PKD1L1: variants seen among roughly 807,000 people sequenced by gnomAD.
PKD1L1 encodes the protein polycystin-1-like protein 1.
Under a neutral mutation model 323.4 loss-of-function variants are expected in PKD1L1, and 236 were observed. That is an observed-to-expected ratio of 0.73 (90% CI 0.66 to 0.81). PKD1L1 has a LOEUF of 0.81. Ranked by LOEUF, PKD1L1 falls within the 40% of genes least tolerant of loss-of-function variation. The pLI, the probability that PKD1L1 is intolerant of heterozygous loss-of-function variation, is 0.00. For missense variants in PKD1L1, 3,320 were observed against 3,508.0 expected, an observed-to-expected ratio of 0.95 and a Z score of 1.35; for synonymous variants, 1,344 against 1,335.0, an observed-to-expected ratio of 1.01 and a Z score of -0.15.
At chr7:47,889,155 A>G (rs1314358529) in intron 16 of PKD1L1, among the ~76,000 whole-genome samples, 4 of 152,100 alleles carry the variant, frequency 2.6e-5, no homozygotes, top group African/African-American at 9.7e-5. Context: ...GTGCAGACGG[A>G]CATGGGCAAA....
chr7:47,905,922 A>G lies in PKD1L1; in HGVS notation c.1443T>C (p.Tyr481=). The G allele has an allele frequency of 6.2e-7, 1 of 1,613,176 alleles. No homozygotes were observed. The highest frequency in any genetic ancestry group is 8.5e-7 in the Non-Finnish European group (1 of 1,179,584). ...VIHHFPSIPS[Y]NVSFISQTQV... Reference sequence around the variant, plus strand: ...GAGTCTGAGAAATAAAGGACACGTTATATGAAGGAATAGATGGAAAGTGAT... The same window carrying G: ...GAGTCTGAGAAATAAAGGACACGTTGTATGAAGGAATAGATGGAAAGTGAT... The change falls in exon 10 of 57, where the codon TAT becomes TAC. Residue 481 remains tyrosine (Y), a synonymous_variant. Transcript: ENST00000289672.
chr7:47,865,686 T>C (rs958851883), intron 25 of PKD1L1, among the ~76,000 whole-genome samples: 13 of 151,754 alleles, frequency 8.6e-5, no homozygotes, highest in African/African-American at 1.9e-4. Context: ...CCCGGGTTCA[T>C]GCCATTCTAC....
At chr7:47,856,518 C>CTTTTCTCA (rs981183009) in intron 28 of PKD1L1, among the ~76,000 whole-genome samples, 1 of 152,120 alleles carries the variant, frequency 6.6e-6, no homozygotes, top group African/African-American at 2.4e-5. Context: ...CTGAACAAAT[C>CTTTTCTCA]TTTTCTCATT....
At chr7:47,932,644 G>A (rs1228406928) in intron 4 of PKD1L1, among the ~76,000 whole-genome samples, 1 of 152,026 alleles carries the variant, frequency 6.6e-6, no homozygotes, top group African/African-American at 2.4e-5. Context: ...GAGCCCCAGC[G>A]AGCCCTGCAG....
At chr7:47,954,159 A>T in the PKD1L1 span, among the ~76,000 whole-genome samples, 1 of 152,198 alleles carries the variant, frequency 6.6e-6, no homozygotes, top group Non-Finnish European at 1.5e-5. Flanking sequence ...AGACACGCCA[A>T]CCAAACCTCT....
At chr7:47,956,691 AACAG>A in the PKD1L1 span, 6 of 152,360 alleles carry the variant, frequency 3.9e-5, no homozygotes, top group South Asian at 2.1e-4. Flanking sequence ...GATGTCACCA[AACAG>A]ACAAAGTGCC....
intron 54 of PKD1L1, among the ~76,000 whole-genome samples, chr7:47,797,345 A>T (rs1784565862): frequency 6.6e-6 from 1 of 152,202 alleles, no homozygotes; most frequent in Non-Finnish European, 1.5e-5. Context: ...TCAAAACATT[A>T]CCCAGATAAA....
chr7:47,937,083 TGG>T (rs1419429723), intron 3 of PKD1L1, 125 bp from the exon 4 acceptor site: 4 of 711,830 alleles, frequency 5.6e-6, no homozygotes. Context: ...AGCACTGTGC[TGG>T]GCACCAGAGA....
chr7:47,794,681 G>A (rs1300387030), intron 55 of PKD1L1, among the ~76,000 whole-genome samples: 1 of 152,150 alleles, frequency 6.6e-6, no homozygotes, highest in African/African-American at 2.4e-5. Flanking sequence ...CTTGCACTGT[G>A]CACCTGGAAA....
chr7:47,943,163 AATATATATATATATATATATAT>A (rs60168291), intron 2 of PKD1L1, among the ~76,000 whole-genome samples: 8 of 34,144 alleles, frequency 2.3e-4, no homozygotes, highest in Non-Finnish European at 2.9e-4. Flanking sequence ...AAAAAAAAAA[AATATATATATATATATATATAT>A]ATATATATAT....
At chr7:47,802,873 G>A (rs1439439501) in intron 53 of PKD1L1, among the ~76,000 whole-genome samples, 1 of 152,208 alleles carries the variant, frequency 6.6e-6, no homozygotes, top group African/African-American at 2.4e-5. Context: ...ATAGTTAAAC[G>A]AAGTAATCTA....
intron 8 of PKD1L1, among the ~76,000 whole-genome samples, chr7:47,908,865 C>A (rs1787262232): frequency 6.6e-6 from 1 of 152,160 alleles, no homozygotes; most frequent in Non-Finnish European, 1.5e-5. Context: ...TGTCTTGGGA[C>A]CTCTGTCATT....
At chr7:47,926,990 A>G (rs1021554404) in intron 7 of PKD1L1, among the ~76,000 whole-genome samples, 1 of 152,244 alleles carries the variant, frequency 6.6e-6, no homozygotes, top group Non-Finnish European at 1.5e-5. Flanking sequence ...AAACAGTCAA[A>G]TGGAATCTAT....
At chr7:47,809,425 AAC>A in intron 51 of PKD1L1, 46 bp downstream of exon 51, 1 of 1,342,804 alleles carries the variant, frequency 7.4e-7, no homozygotes, top group Non-Finnish European at 1.0e-6. Context: ...TCAAGATATA[AAC>A]AGTTTATTGT....
intron 1 of PKD1L1, among the ~76,000 whole-genome samples, chr7:47,947,696 G>C (rs1231570988): frequency 1.3e-5 from 2 of 152,224 alleles, no homozygotes; most frequent in South Asian, 2.1e-4. Flanking sequence ...GGCTGGGTGC[G>C]GTGGCTTATG....
At chr7:47,908,603 G>T (rs1787257121) in intron 8 of PKD1L1, among the ~76,000 whole-genome samples, 1 of 152,184 alleles carries the variant, frequency 6.6e-6, no homozygotes, top group Non-Finnish European at 1.5e-5. Context: ...ATAGATATTA[G>T]TTATCCCACA....
chr7:47,949,391 A>AAAAAAAAAAT (rs1788169199), upstream of PKD1L1, among the ~76,000 whole-genome samples: 1 of 148,048 alleles, frequency 6.8e-6, no homozygotes, highest in South Asian at 2.1e-4. Context: ...AAAAAAAAAA[A>AAAAAAAAAAT]GCTGTAACTG....
intron 46 of PKD1L1, chr7:47,818,294 A>C (rs1463940399): frequency 2.1e-6 from 2 of 936,712 alleles, no homozygotes; most frequent in Admixed American, 4.0e-5. Context: ...GGTAGGAAAG[A>C]GGCAAAGGAT....
chr7:47,890,372 C>T (rs1786784346), intron 16 of PKD1L1, among the ~76,000 whole-genome samples, 170 bp downstream of exon 16: 1 of 152,242 alleles, frequency 6.6e-6, no homozygotes, highest in Admixed American at 6.5e-5. Flanking sequence ...GCGGGGACTG[C>T]TTCCCCAGCC....
Sources: gnomAD v4.1 joint callset for allele counts (sites outside exome capture counted in the v4.1 genomes callset) on GRCh38, gnomAD v4.1.1 for gene constraint, MANE v1.5 for transcripts, NCBI Gene and HGNC (gene_info 2026-07-23, HGNC 2026-07-21) for gene names.